NHSL1: variants seen among roughly 807,000 people sequenced by gnomAD.
The protein encoded by NHSL1 is NHS-like protein 1.
NHSL1 carries 48 observed loss-of-function variants against 95.0 expected under a neutral mutation model. The observed-to-expected ratio is 0.51, with a 90% CI of 0.40 to 0.64. The LOEUF (loss-of-function observed/expected upper bound fraction) is 0.64. NHSL1 is among the 30% of genes least tolerant of loss of function. The pLI is 0.00. For synonymous variants in NHSL1, 783 were observed against 833.9 expected (o/e 0.94, Z 1.05); for missense variants, 1,971 against 2,077.7 (o/e 0.95, Z 1.00).
chr6:138,470,764 A>G (rs931746603), intron 3 of NHSL1, among the ~76,000 whole-genome samples: 2 of 152,154 alleles, frequency 1.3e-5, no homozygotes, highest in Non-Finnish European at 2.9e-5. Context: ...CTCTCCTCCC[A>G]CAAACACCAG....
chr6:138,538,388 G>A (rs1196662576), intron 1 of NHSL1, among the ~76,000 whole-genome samples: 1 of 152,100 alleles, frequency 6.6e-6, no homozygotes, highest in East Asian at 1.9e-4. Flanking sequence ...TGCTCTGTTT[G>A]GAATTAGAAA....
chr6:138,613,254 G>C (rs901262443), intron 1 of NHSL1, among the ~76,000 whole-genome samples: 1 of 152,174 alleles, frequency 6.6e-6, no homozygotes, highest in African/African-American at 2.4e-5. Context: ...TCTTGAGAAA[G>C]TTTTCACGGT....
At chr6:138,462,436 G>C (rs1778060072) in intron 3 of NHSL1, among the ~76,000 whole-genome samples, 1 of 152,184 alleles carries the variant, frequency 6.6e-6, no homozygotes, top group Non-Finnish European at 1.5e-5. Flanking sequence ...TACCAAGCCA[G>C]AGAACATCAC....
intron 1 of NHSL1, chr6:138,512,367 G>A (rs763783266): frequency 2.2e-6 from 1 of 451,318 alleles, no homozygotes; most frequent in Non-Finnish European, 4.4e-6. Flanking sequence ...GAGCATCTAT[G>A]GAGAACTCGT....
At chr6:138,684,838 TG>T (rs1785564567) in intron 1 of NHSL1, among the ~76,000 whole-genome samples, 1 of 152,208 alleles carries the variant, frequency 6.6e-6, no homozygotes, top group Non-Finnish European at 1.5e-5. Context: ...ACCCTCCTGC[TG>T]CATCTGAACT....
chr6:138,626,785 T>G, intron 1 of NHSL1, among the ~76,000 whole-genome samples: 1 of 107,264 alleles, frequency 9.3e-6, no homozygotes. Context: ...TCCCAGCTAC[T>G]TGGGAGGCTG....
At chr6:138,541,170 C>A (rs967075196) in intron 1 of NHSL1, among the ~76,000 whole-genome samples, 16 of 152,168 alleles carry the variant, frequency 1.1e-4, no homozygotes, top group African/African-American at 3.9e-4. Flanking sequence ...AGGTCGAGAT[C>A]AGCCTGGCCA....
At chr6:138,669,323 G>A (rs141341403) in intron 1 of NHSL1, among the ~76,000 whole-genome samples, 136 of 152,276 alleles carry the variant, frequency 8.9e-4, no homozygotes, top group African/African-American at 3.0e-3. Context: ...TTTTCATAAA[G>A]TGGAGAATAA....
intron 1 of NHSL1, among the ~76,000 whole-genome samples, chr6:138,666,670 G>T (rs1245415215): frequency 6.8e-6 from 1 of 147,956 alleles, no homozygotes; most frequent in Admixed American, 6.8e-5. Flanking sequence ...ATTGTTAAAA[G>T]AAAAAACACT....
chr6:138,429,571 C>T (rs966743082), intron 7 of NHSL1, 140 bp downstream of exon 7: 2 of 722,996 alleles, frequency 2.8e-6, no homozygotes, highest in Non-Finnish European at 4.3e-6. Context: ...TGTAGAAACC[C>T]ACTAAAAAAT....
At chr6:138,542,621 C>T (rs1782626901) in intron 1 of NHSL1, among the ~76,000 whole-genome samples, 1 of 152,164 alleles carries the variant, frequency 6.6e-6, no homozygotes, top group African/African-American at 2.4e-5. Context: ...GTTAGAGAAG[C>T]ACTGCAAAGA....
At chr6:138,433,959 C>T (rs112977934) in intron 5 of NHSL1, among the ~76,000 whole-genome samples, 1,979 of 152,230 alleles carry the variant, frequency 0.013, 37 homozygotes, top group African/African-American at 0.045. Context: ...AAGATCAAGG[C>T]TGCCAAGGGC....
At chr6:138,506,015 C>T (rs190038975) in intron 1 of NHSL1, among the ~76,000 whole-genome samples, 1 of 152,236 alleles carries the variant, frequency 6.6e-6, no homozygotes, top group African/African-American at 2.4e-5. Flanking sequence ...TATAGACACA[C>T]CCATTCATTC....
chr6:138,601,436 G>C (rs1276763374), intron 1 of NHSL1, among the ~76,000 whole-genome samples: 1 of 152,192 alleles, frequency 6.6e-6, no homozygotes. Context: ...AATTGCACCT[G>C]TTATGCAGAA....
chr6:138,429,602 T>TA (rs1244813228), intron 7 of NHSL1, 109 bp downstream of exon 7: 1 of 989,914 alleles, frequency 1.0e-6, no homozygotes, highest in African/African-American at 1.7e-5. Flanking sequence ...GTTAAGGAGT[T>TA]ATGATTGGGT....
chr6:138,662,863 A>G (rs971723817), intron 1 of NHSL1, among the ~76,000 whole-genome samples: 4 of 152,126 alleles, frequency 2.6e-5, no homozygotes, highest in African/African-American at 9.7e-5. Context: ...ACACACTTCA[A>G]CTTTCATACA....
chr6:138,522,427 A>T (rs1781720625), intron 1 of NHSL1, among the ~76,000 whole-genome samples: 1 of 152,214 alleles, frequency 6.6e-6, no homozygotes, highest in Admixed American at 6.5e-5. Context: ...GGATCACCTA[A>T]GGTCAGCAGT....
intron 2 of NHSL1, among the ~76,000 whole-genome samples, chr6:138,478,550 T>C (rs1779229596): frequency 6.6e-6 from 1 of 152,154 alleles, no homozygotes; most frequent in East Asian, 1.9e-4. Flanking sequence ...GAGTTTCTTG[T>C]CTGTGGGGTG....
At chr6:138,458,454 G>A (rs986936594) in intron 3 of NHSL1, among the ~76,000 whole-genome samples, 4 of 152,196 alleles carry the variant, frequency 2.6e-5, no homozygotes, top group African/African-American at 9.7e-5. Flanking sequence ...CACTTTGGGA[G>A]GCCAAGGTAG....
Sources: allele counts gnomAD v4.1 joint callset (sites outside exome capture counted in the v4.1 genomes callset), GRCh38; gene constraint gnomAD v4.1.1; transcripts MANE v1.5; gene names NCBI Gene and HGNC (gene_info 2026-07-23, HGNC 2026-07-21).